Variants in ERRFI1 observed in about 807,000 individuals in gnomAD.
ERRFI1 encodes mitogen-inducible gene 6 protein.
In ERRFI1, 12 loss-of-function variants were observed where a neutral mutation model predicts 14.6. The observed-to-expected ratio is 0.82, with a 90% CI of 0.53 to 1.33. The LOEUF is 1.33. Among genes scored for constraint, ERRFI1 ranks in the 40% most tolerant of loss-of-function variants. The pLI is 0.00. For missense variants in ERRFI1, 482 were observed against 572.1 expected (o/e 0.84, Z 1.61); for synonymous variants, 202 against 209.9 (o/e 0.96, Z 0.32).
At position 8,023,487 on chromosome 1, in the gene ERRFI1, C is replaced by G. The variant is rs190986405; in HGVS notation, c.-74+2671G>C. On this transcript the variant is annotated intron_variant, in intron 1 of 3. Transcript: ENST00000377482. ...AGTGACAGGGTTTCACCATGTTGCCCAGGTTGGTCTCATACTCTTGGGCTC... is the reference window on the plus strand; with the variant it reads ...AGTGACAGGGTTTCACCATGTTGCCGAGGTTGGTCTCATACTCTTGGGCTC... Among the ~76,000 whole-genome samples, 351 of 152,220 alleles carry G rather than the reference C, an allele frequency of 2.3e-3. 1 individual carries two copies. Among genetic ancestry groups the G allele is most frequent in the African/African-American group, 8.1e-3 (337 of 41,520 alleles).
Position 8,013,336 on chromosome 1 carries a change from G to A in ERRFI1, c.1263C>T (p.Ala421=), listed in dbSNP as rs1202315909. The A allele has an allele frequency of 1.9e-6, 3 of 1,614,128 alleles. No homozygotes were observed. The highest frequency in any genetic ancestry group is 2.2e-5 in the South Asian group (2 of 91,070). ...AGTCAGCAGGTAATGGCTGGATTTG[G>A]GCGCCTCCATTTGTTTCTTCTGCTT... ...FREAEETNGG[A]QIQPLPADCG... Residue 421 remains alanine (A), a synonymous_variant, in exon 4 of 4, where the codon GCC becomes GCT. Transcript: ENST00000377482. The surrounding 1 kb of genome is among the most constrained non-coding windows in gnomAD (Gnocchi z 4.3).
chr1:8,024,358 A>G (rs1333987359), intron 1 of ERRFI1, among the ~76,000 whole-genome samples: 1 of 152,234 alleles, frequency 6.6e-6, no homozygotes. Context: ...AAAAATATCA[A>G]TAATTCAGGC....
At chr1:8,024,012 G>A (rs1167705333) in intron 1 of ERRFI1, among the ~76,000 whole-genome samples, 3 of 152,192 alleles carry the variant, frequency 2.0e-5, no homozygotes, top group African/African-American at 4.8e-5. Context: ...TTGTTTCTCT[G>A]GCAGAGGGAG....
rs529171229 is a variant in ERRFI1, at chr1:8,025,438, T to G, written c.-74+720A>C. Among the ~76,000 whole-genome samples the G allele has an allele frequency of 3.9e-5, 6 of 152,304 alleles. No individual in the cohort carries two copies. The South Asian group carries it at 1.2e-3, about 32-fold the overall frequency. On this transcript the variant is annotated intron_variant, in intron 1 of 3. Transcript: ENST00000377482. Reference sequence around the variant, plus strand: ...AGACACTCAGAGCAAAGAATCACGTTTCTAGGAGAGAAGGAAGAGTTCAGA... The same window carrying G: ...AGACACTCAGAGCAAAGAATCACGTGTCTAGGAGAGAAGGAAGAGTTCAGA...
chr1:8,024,567 ATC>A (rs1189924709), intron 1 of ERRFI1, among the ~76,000 whole-genome samples: 7 of 152,340 alleles, frequency 4.6e-5, no homozygotes, highest in African/African-American at 1.7e-4. Context: ...AATCTAATAT[ATC>A]TGTCAGGTTA....
rs1159221090 is a variant in ERRFI1 at position 8,011,885 on chromosome 1, TATA to T, written c.*1322_*1324del. 6.7e-5 allele frequency: 15 copies of T among 224,044 alleles called. No individual in the cohort carries two copies. In the East Asian group the frequency reaches 9.8e-4, roughly 15 times the overall value. 13.9% of individuals were successfully genotyped at this position (224,044 alleles called of 1,614,324 possible). On this transcript the variant is annotated 3_prime_UTR_variant, in exon 4 of 4. Coordinates refer to ENST00000377482, the MANE Select transcript of ERRFI1 (RefSeq NM_018948.4). ...AACCTTCATTTAGTTCATACTAAAA[TATA>T]ATAAGCTTTAAATAGCTCAAATAAT...
chr1:8,025,274 A>T (rs1282451458), intron 1 of ERRFI1, among the ~76,000 whole-genome samples: 1 of 152,248 alleles, frequency 6.6e-6, no homozygotes, highest in Non-Finnish European at 1.5e-5. Flanking sequence ...GCACTAATAC[A>T]GCACCATTCA....
chr1:8,019,197 T>G (rs796405551), intron 1 of ERRFI1, among the ~76,000 whole-genome samples: 6 of 152,270 alleles, frequency 3.9e-5, no homozygotes, highest in African/African-American at 1.4e-4. Flanking sequence ...AAGTCAATAT[T>G]CCTTAACAAC....
chr1:8,017,024 C>T (rs1183379218), intron 1 of ERRFI1, among the ~76,000 whole-genome samples: 1 of 151,428 alleles, frequency 6.6e-6, no homozygotes, highest in African/African-American at 2.4e-5. Flanking sequence ...ACAATCAGTA[C>T]CTGGAACATT....
At chr1:8,017,298 T>C (rs1641190018) in intron 1 of ERRFI1, among the ~76,000 whole-genome samples, 1 of 152,166 alleles carries the variant, frequency 6.6e-6, no homozygotes, top group Admixed American at 6.5e-5. Context: ...TTCTCTGCAT[T>C]TTACCCTTCC....
intron 1 of ERRFI1, among the ~76,000 whole-genome samples, chr1:8,025,593 C>T (rs150782724): frequency 6.6e-6 from 1 of 152,324 alleles, no homozygotes; most frequent in East Asian, 1.9e-4. Flanking sequence ...AGCCTCCCAC[C>T]CCAGCTTTCA....
chr1:8,022,791 T>TA (rs1641291362), intron 1 of ERRFI1, among the ~76,000 whole-genome samples: 1 of 152,218 alleles, frequency 6.6e-6, no homozygotes, highest in African/African-American at 2.4e-5. Context: ...CAAAAATTCT[T>TA]AGAGGGCAAG....
In ERRFI1 at chr1:8,012,496, G is replaced by A. The variant is rs1379769484; in HGVS notation, c.*714C>T. 11 of 227,034 alleles carry A rather than the reference G, an allele frequency of 4.8e-5. No individual in the cohort carries two copies. Among genetic ancestry groups the A allele is most frequent in the South Asian group, 1.8e-4 (1 of 5,492 alleles). 14.1% of individuals were successfully genotyped at this position (227,034 alleles called of 1,614,324 possible). A position where few individuals can be genotyped will look rare whatever the true frequency, so the allele number is the denominator to read the frequency against. On this transcript the variant is annotated 3_prime_UTR_variant, in exon 4 of 4. Transcript: ENST00000377482. ...AAAATTAGTCACTAGTTCTATTATC[G>A]TTTTATTTTTCAAGATGTGTGACAG...
chr1:8,013,265 ATT>A lies in ERRFI1; in HGVS notation c.1332_1333del (p.Lys444AsnfsTer10), dbSNP rs770048833. The stretch of plus-strand genomic sequence containing the variant: ...ACGCTTCACGTGGCCACCCAGATCC[ATT>A]TTTGTTTTTGAGTCTGGCTTTTCTG... On this transcript the variant is annotated frameshift_variant, in exon 4 of 4. Coordinates refer to ENST00000377482, the MANE Select transcript of ERRFI1 (RefSeq NM_018948.4). LOFTEE classifies it high-confidence loss of function. The surrounding 1 kb of genome is among the most constrained non-coding windows in gnomAD (Gnocchi z 4.3). 6.2e-7 allele frequency: 1 copy of A among 1,614,044 alleles called. No individual in the cohort carries two copies. Among genetic ancestry groups the A allele is most frequent in the South Asian group, 1.1e-5 (1 of 91,070 alleles).
At position 8,011,758 on chromosome 1, in the gene ERRFI1, GAA is replaced by G. The variant is rs3215549; in HGVS notation, c.*1450_*1451del. On this transcript the variant is annotated 3_prime_UTR_variant, in exon 4 of 4. Coordinates refer to ENST00000377482, the MANE Select transcript of ERRFI1 (RefSeq NM_018948.4). ...ATAAGTATTATAACTTTATTAAAATGAAAAGACAATATTCAAAATAATGCAAC... is the reference window on the plus strand; with the variant it reads ...ATAAGTATTATAACTTTATTAAAATGAAGACAATATTCAAAATAATGCAAC... 25,226 of 194,750 alleles carry G rather than the reference GAA, an allele frequency of 0.13. 2,013 individuals carry two copies. The highest frequency in any genetic ancestry group is 0.16 in the Non-Finnish European group (15,364 of 93,170). The allele number at this position is 194,750 out of a possible 1,614,324, so 12.1% of individuals were successfully genotyped here.
rs147061586 is a variant in ERRFI1 at position 8,014,776 on chromosome 1, G to A, written c.203-380C>T. 324 of 227,236 alleles carry A rather than the reference G, an allele frequency of 1.4e-3. 2 individuals are homozygous for A. The highest frequency in any genetic ancestry group is 6.6e-3 in the African/African-American group (292 of 44,028). The allele number at this position is 227,236 out of a possible 1,614,324, so 14.1% of individuals were successfully genotyped here. A position where few individuals can be genotyped will look rare whatever the true frequency, so the allele number is the denominator to read the frequency against. On this transcript the variant is annotated intron_variant, in intron 3 of 3. Transcript: ENST00000377482. ...CATGCGACCATACTAGGCACGTAGG[G>A]TACCAATGAGATAAGACAAAGTCCT... is the stretch of plus-strand genomic sequence containing the variant.
chr1:8,017,872 C>A (rs1011944438), intron 1 of ERRFI1, among the ~76,000 whole-genome samples: 1 of 152,196 alleles, frequency 6.6e-6, no homozygotes, highest in South Asian at 2.1e-4. Flanking sequence ...ACTATCGCCT[C>A]TGCAGAAATT....
At chr1:8,014,456 G>A (rs2124063439) in intron 3 of ERRFI1, 60 bp from the exon 4 acceptor site, 1 of 1,454,090 alleles carries the variant, frequency 6.9e-7, no homozygotes, top group Non-Finnish European at 9.2e-7. Flanking sequence ...CTGTGTGAGG[G>A]AGAGAGCACC....
intron 1 of ERRFI1, among the ~76,000 whole-genome samples, chr1:8,024,246 ACACAAAAACT>A (rs1361493648): frequency 2.0e-5 from 3 of 152,234 alleles, no homozygotes; most frequent in Non-Finnish European, 4.4e-5. Context: ...AGGTATTTTC[ACACAAAAACT>A]CAAGCATAAT....
Sources: allele counts gnomAD v4.1 joint callset (sites outside exome capture counted in the v4.1 genomes callset), GRCh38; gene constraint gnomAD v4.1.1; non-coding constraint Gnocchi (gnomAD v3.1); transcripts MANE v1.5; gene names NCBI Gene and HGNC (gene_info 2026-07-23, HGNC 2026-07-21).